Variants in HDAC9 observed in about 807,000 individuals in gnomAD.
HDAC9 encodes MEF-2 interacting transcription repressor (MITR) protein.
A neutral mutation model predicts 139.4 loss-of-function variants in HDAC9; 41 were observed. The observed-to-expected ratio is 0.29, with a 90% CI of 0.23 to 0.38. The LOEUF (loss-of-function observed/expected upper bound fraction) is 0.38. Ranked by LOEUF, HDAC9 falls within the 10% of genes least tolerant of loss-of-function variation. The pLI, the probability that HDAC9 is intolerant of heterozygous loss-of-function variation, is 1.00. For synonymous variants in HDAC9, 517 were observed against 476.2 expected (o/e 1.09, Z -1.12); for missense variants, 1,147 against 1,297.0 (o/e 0.88, Z 1.78).
intron 12 of HDAC9, among the ~76,000 whole-genome samples, chr7:18,725,757 C>T (rs1228613139): frequency 6.6e-6 from 1 of 152,144 alleles, no homozygotes; most frequent in Non-Finnish European, 1.5e-5. Flanking sequence ...TATTTGTGTT[C>T]CCTGTAACAG....
intron 1 of HDAC9, among the ~76,000 whole-genome samples, chr7:18,484,853 TA>T (rs71553929): frequency 3.1e-3 from 432 of 139,102 alleles, no homozygotes; most frequent in Middle Eastern, 3.6e-3. Context: ...ACCCCACCTG[TA>T]AAAAAAAAAA....
intron 12 of HDAC9, among the ~76,000 whole-genome samples, chr7:18,724,436 G>C (rs191896063): frequency 6.2e-4 from 94 of 152,076 alleles, no homozygotes; most frequent in African/African-American, 2.2e-3. Flanking sequence ...ATTATAAAAG[G>C]TAAAACATAA....
intron 6 of HDAC9, among the ~76,000 whole-genome samples, chr7:18,617,509 C>T (rs1424430476): frequency 6.6e-6 from 1 of 152,170 alleles, no homozygotes; most frequent in African/African-American, 2.4e-5. Context: ...AGTTCATACT[C>T]ATCTTTAAAT....
intron 2 of HDAC9, among the ~76,000 whole-genome samples, chr7:18,534,706 G>A (rs1810285132): frequency 6.6e-6 from 1 of 152,214 alleles, no homozygotes; most frequent in South Asian, 2.1e-4. Context: ...GTAGATGGGT[G>A]AGTGTGCTTT....
intron 17 of HDAC9, among the ~76,000 whole-genome samples, chr7:18,817,241 A>G (rs945109749): frequency 6.6e-6 from 1 of 152,042 alleles, no homozygotes; most frequent in Non-Finnish European, 1.5e-5. Context: ...TCACCGTGTT[A>G]GCCAGGATGG....
intron 2 of HDAC9, among the ~76,000 whole-genome samples, chr7:18,257,369 A>ACTCTCTCTCT: frequency 9.1e-6 from 1 of 110,322 alleles, no homozygotes. Flanking sequence ...TGTCTCTCTG[A>ACTCTCTCTCT]CTCTCTCTCT....
At chr7:18,121,286 A>G (rs1207398019) in intron 1 of HDAC9, among the ~76,000 whole-genome samples, 1 of 152,214 alleles carries the variant, frequency 6.6e-6, no homozygotes, top group East Asian at 1.9e-4. Flanking sequence ...GGACTTGCAC[A>G]TTGAAAAATA....
chr7:18,381,957 A>G (rs1785483034), intron 1 of HDAC9, among the ~76,000 whole-genome samples: 1 of 152,154 alleles, frequency 6.6e-6, no homozygotes, highest in Non-Finnish European at 1.5e-5. Flanking sequence ...GTTAAATACA[A>G]ATGTGTGTGT....
chr7:18,856,291 A>G (rs1347396969), intron 21 of HDAC9, among the ~76,000 whole-genome samples: 1 of 152,164 alleles, frequency 6.6e-6, no homozygotes, highest in South Asian at 2.1e-4. Flanking sequence ...AACTATGAGT[A>G]TTATTTAGAA....
intron 2 of HDAC9, among the ~76,000 whole-genome samples, chr7:18,227,559 G>C (rs1004498104): frequency 6.6e-6 from 1 of 151,860 alleles, no homozygotes; most frequent in Non-Finnish European, 1.5e-5. Flanking sequence ...ATAATAATTT[G>C]TTATCAACAT....
intron 1 of HDAC9, among the ~76,000 whole-genome samples, chr7:18,486,266 G>A (rs1190069259): frequency 1.3e-5 from 2 of 152,016 alleles, no homozygotes; most frequent in Non-Finnish European, 2.9e-5. Flanking sequence ...ATATAGTTCT[G>A]TTTCATAAAA....
intron 16 of HDAC9, among the ~76,000 whole-genome samples, chr7:18,772,392 T>G (rs984783863): frequency 6.6e-6 from 1 of 152,082 alleles, no homozygotes. Flanking sequence ...GAGGTTTTGA[T>G]ATTGACTCAG....
intron 2 of HDAC9, among the ~76,000 whole-genome samples, chr7:18,281,040 C>T (rs1392358012): frequency 6.6e-6 from 1 of 152,154 alleles, no homozygotes; most frequent in Non-Finnish European, 1.5e-5. Flanking sequence ...TTTTGCTCTT[C>T]CCCTCTCCTT....
intron 2 of HDAC9, among the ~76,000 whole-genome samples, chr7:18,511,738 A>C (rs1801566033): frequency 6.6e-6 from 1 of 152,192 alleles, no homozygotes; most frequent in Non-Finnish European, 1.5e-5. Context: ...GATTATCTTT[A>C]TGCTTCACCA....
In HDAC9 at chr7:18,717,044, T is replaced by C. The variant is rs1784754141; in HGVS notation, c.1732-10536T>C. On this transcript the variant is annotated intron_variant, in intron 12 of 25. Transcript: ENST00000686413. ...TTGTTCGCTGGCATGAAAAATGTGCTAGGCAAAAACTCCTGTTTAAAATGA... is the reference window on the plus strand; with the variant it reads ...TTGTTCGCTGGCATGAAAAATGTGCCAGGCAAAAACTCCTGTTTAAAATGA... Among the ~76,000 whole-genome samples the C allele has an allele frequency of 2.7e-5, 4 of 149,408 alleles. No individual in the cohort carries two copies. The Admixed American group carries it at 2.7e-4, about 10-fold the overall frequency.
intron 12 of HDAC9, among the ~76,000 whole-genome samples, chr7:18,674,308 C>A (rs944948242): frequency 6.6e-6 from 1 of 151,964 alleles, no homozygotes; most frequent in Non-Finnish European, 1.5e-5. Flanking sequence ...TACCATTTTC[C>A]CATTTTCTGT....
At chr7:18,505,988 TATC>T (rs1799667936) in intron 2 of HDAC9, 6 of 152,228 alleles carry the variant, frequency 3.9e-5, no homozygotes. Flanking sequence ...TGTTAGGCGT[TATC>T]ATGCCATATG....
intron 16 of HDAC9, among the ~76,000 whole-genome samples, chr7:18,788,993 G>T (rs1792063252): frequency 6.6e-6 from 1 of 151,994 alleles, no homozygotes; most frequent in Non-Finnish European, 1.5e-5. Context: ...AGCATGCCTG[G>T]TTGTCACAGG....
chr7:18,835,654 C>G lies in HDAC9; in HGVS notation c.2586+68C>G, dbSNP rs376058119. The G allele has an allele frequency of 2.5e-6, 4 of 1,585,878 alleles. No homozygotes were observed. The African/African-American group carries it at 4.0e-5, about 16-fold the overall frequency. ...TCAGGTAATTGCATTGCATGATTAC[C>G]CCTAATTTTCTTGTCCTTTGCTGGT... On this transcript the variant is annotated intron_variant, in intron 20 of 25. Transcript: ENST00000686413.
Sources: gnomAD v4.1 joint callset for allele counts (sites outside exome capture counted in the v4.1 genomes callset) on GRCh38, gnomAD v4.1.1 for gene constraint, MANE v1.5 for transcripts, NCBI Gene and HGNC (gene_info 2026-07-23, HGNC 2026-07-21) for gene names.